ZFC3H1: variants seen among roughly 807,000 people sequenced by gnomAD.
The protein encoded by ZFC3H1 is zinc finger C3H1 domain-containing protein.
In ZFC3H1, 71 loss-of-function variants were observed where a neutral mutation model predicts 243.7. The observed-to-expected ratio is 0.29, with a 90% CI of 0.24 to 0.36. ZFC3H1 has a LOEUF of 0.36. Among genes scored for constraint, ZFC3H1 ranks in the 10% least tolerant of loss-of-function variants. The pLI, the probability that ZFC3H1 is intolerant of heterozygous loss-of-function variation, is 1.00. For synonymous variants in ZFC3H1, 838 were observed against 813.0 expected, an observed-to-expected ratio of 1.03 and a Z score of -0.52; for missense variants, 1,966 against 2,317.1, an observed-to-expected ratio of 0.85 and a Z score of 3.11.
At position 71,609,794 on chromosome 12, in the gene ZFC3H1, T is replaced by C. The variant is rs1879723304; in HGVS notation, c.*634A>G. Reference sequence around the variant, plus strand: ...GGTTCTGATGCACTGGCATTTGCAATAGTTTCTTTAATCTTCAAGTTAAAC... The same window carrying C: ...GGTTCTGATGCACTGGCATTTGCAACAGTTTCTTTAATCTTCAAGTTAAAC... On this transcript the variant is annotated 3_prime_UTR_variant, in exon 35 of 35. Coordinates refer to ENST00000378743, the MANE Select transcript of ZFC3H1 (RefSeq NM_144982.5). 1 of 152,594 alleles carries C rather than the reference T, an allele frequency of 6.6e-6. No homozygotes were observed. Among genetic ancestry groups the C allele is most frequent in the South Asian group, 2.1e-4 (1 of 4,834 alleles). The allele number at this position is 152,594 out of a possible 1,614,324, so 9.5% of individuals were successfully genotyped here.
At chr12:71,630,485 T>C (rs1370162259) in intron 18 of ZFC3H1, 115 bp downstream of exon 18, 83 of 1,331,718 alleles carry the variant, frequency 6.2e-5, no homozygotes, top group Non-Finnish European at 8.3e-5. Context: ...TAAAGTATTA[T>C]GGGTAAATAC....
chr12:71,614,598 A>C lies in ZFC3H1; in HGVS notation c.5463T>G (p.Pro1821=). 1 of 1,613,592 alleles carries C rather than the reference A, an allele frequency of 6.2e-7. No homozygotes were observed. The highest frequency in any genetic ancestry group is 8.5e-7 in the Non-Finnish European group (1 of 1,179,684). The part of the protein sequence containing the change: ...DLVNRCLVTV[P]ARYPIPFSSA... ...TGCTAAAAGGAATGGGGTATCGGGC[A>C]GGGACTGTAACCAAACATCTATTCA... The change falls in exon 30 of 35, where the codon CCT becomes CCG. Residue 1821 remains proline (P), a synonymous_variant. Transcript: ENST00000378743.
chr12:71,653,837 G>A (rs527714434), intron 2 of ZFC3H1, among the ~76,000 whole-genome samples: 10 of 152,076 alleles, frequency 6.6e-5, no homozygotes, highest in South Asian at 2.1e-4. Context: ...CCAACATGGC[G>A]AAACCCCAGC....
intron 32 of ZFC3H1, chr12:71,611,355 AAAC>A (rs1387640160): frequency 6.6e-5 from 18 of 273,450 alleles, no homozygotes; most frequent in South Asian, 4.8e-4. Flanking sequence ...GAGAAAAAAA[AAAC>A]AACAACAACA....
At chr12:71,662,920 T>C in intron 1 of ZFC3H1, 93 bp downstream of exon 1, 1 of 1,268,360 alleles carries the variant, frequency 7.9e-7, no homozygotes, top group Non-Finnish European at 1.1e-6. Context: ...GCGGTTCTGA[T>C]GATTCAAAGT....
intron 2 of ZFC3H1, chr12:71,656,472 A>G (rs1348994454): frequency 1.6e-6 from 1 of 630,776 alleles, no homozygotes; most frequent in Admixed American, 3.2e-5. Context: ...AATAATGAAG[A>G]AAACAGATTT....
Position 71,663,028 on chromosome 12 carries a change from G to A in ZFC3H1, c.583C>T (p.Pro195Ser), listed in dbSNP as rs368240982. 2 of 1,606,668 alleles carry A rather than the reference G, an allele frequency of 1.2e-6. No individual in the cohort carries two copies. Among genetic ancestry groups the A allele is most frequent in the South Asian group, 1.1e-5 (1 of 90,902 alleles). ...TTAAGGATACAGCTCTTCCGAGGTG[G>A]AGAGGGCTCTCGCCAGCTCTGACTG... ...SSSQSWREPSPPRKSSKSFGR... is the reference protein window; with the variant it reads ...SSSQSWREPSSPRKSSKSFGR... Residue 195 changes from proline to serine, a missense_variant, in exon 1 of 35, where the codon CCA (proline) becomes TCA (serine). Pro to Ser is a moderately conservative substitution (Grantham distance 74, BLOSUM62 -1). Coordinates refer to ENST00000378743, the MANE Select transcript of ZFC3H1 (RefSeq NM_144982.5).
chr12:71,646,617 A>C (rs1205324802), intron 3 of ZFC3H1, among the ~76,000 whole-genome samples: 2 of 152,164 alleles, frequency 1.3e-5, no homozygotes, highest in Non-Finnish European at 2.9e-5. Context: ...TTCTTGTTTT[A>C]AATTATTTAA....
chr12:71,613,641 G>C (rs180854396), intron 30 of ZFC3H1: 6 of 428,288 alleles, frequency 1.4e-5, no homozygotes, highest in South Asian at 3.7e-5. Context: ...CTAGTGATGA[G>C]AGCCATGGGC....
At chr12:71,652,409 C>G (rs1880912688) in intron 2 of ZFC3H1, among the ~76,000 whole-genome samples, 1 of 152,146 alleles carries the variant, frequency 6.6e-6, no homozygotes, top group Admixed American at 6.5e-5. Context: ...ACTAACCTGT[C>G]CTTTTATAAT....
intron 24 of ZFC3H1, 96 bp downstream of exon 24, chr12:71,623,264 C>A: frequency 9.5e-7 from 1 of 1,054,748 alleles, no homozygotes; most frequent in Non-Finnish European, 1.3e-6. Flanking sequence ...TAAATTTGTT[C>A]CACTTAATTA....
intron 2 of ZFC3H1, among the ~76,000 whole-genome samples, chr12:71,651,451 G>A (rs1486884585): frequency 2.0e-5 from 3 of 152,122 alleles, no homozygotes; most frequent in Non-Finnish European, 2.9e-5. Flanking sequence ...GTAAGCCCAT[G>A]AAAACATAAG....
In ZFC3H1 at chr12:71,627,721, T is replaced by C. The variant is rs994810558; in HGVS notation, c.4130+30A>G. On this transcript the variant is annotated intron_variant, in intron 21 of 34. Coordinates refer to ENST00000378743, the MANE Select transcript of ZFC3H1 (RefSeq NM_144982.5). ...AAACATAAAAATATAAATGTGCAAC[T>C]GTTTACACAAAGATTTGAAGTTGAC... 16 of 1,580,334 alleles carry C rather than the reference T, an allele frequency of 1.0e-5. 1 individual carries two copies. The African/African-American group carries it at 1.8e-4, about 18-fold the overall frequency.
chr12:71,638,940 C>T (rs556130806), intron 6 of ZFC3H1, among the ~76,000 whole-genome samples: 1 of 152,116 alleles, frequency 6.6e-6, no homozygotes, highest in Non-Finnish European at 1.5e-5. Flanking sequence ...TTCATTATTC[C>T]CTTCTTGTGG....
At position 71,657,123 on chromosome 12, in the gene ZFC3H1, T is replaced by C; in HGVS notation, c.777A>G (p.Glu259=). Reference sequence around the variant, plus strand: ...CCTCGAAGTTCAATGTTTTAGGATCTTCCTGCACATTCTCTTCTTTGCTAC... The same window carrying C: ...CCTCGAAGTTCAATGTTTTAGGATCCTCCTGCACATTCTCTTCTTTGCTAC... The part of the protein sequence containing the change: ...ALSSKEENVQ[E]DPKTLNFEDQ... The change falls in exon 2 of 35, where the codon GAA becomes GAG. Residue 259 remains glutamate (E), a synonymous_variant. Transcript: ENST00000378743. 1 of 1,613,994 alleles carries C rather than the reference T, an allele frequency of 6.2e-7. No homozygotes were observed. The highest frequency in any genetic ancestry group is 1.7e-5 in the Admixed American group (1 of 60,032).
In ZFC3H1 at chr12:71,629,589, ACACT is replaced by A. The variant is rs751090660; in HGVS notation, c.3826+16_3826+19del. On this transcript the variant is annotated intron_variant, in intron 19 of 34. Coordinates refer to ENST00000378743, the MANE Select transcript of ZFC3H1 (RefSeq NM_144982.5). The stretch of plus-strand genomic sequence containing the variant: ...CACACACACACACACACACACACAC[ACACT>A]TATATATGTACTTACTATGACCTTT... The A allele has an allele frequency of 2.7e-6, 4 of 1,483,618 alleles. No homozygotes were observed. Among genetic ancestry groups the A allele is most frequent in the Non-Finnish European group, 1.9e-6 (2 of 1,065,954 alleles). 91.9% of individuals were successfully genotyped at this position (1,483,618 alleles called of 1,614,324 possible). A position where few individuals can be genotyped will look rare whatever the true frequency, so the allele number is the denominator to read the frequency against.
At chr12:71,658,786 C>A (rs945167787) in intron 1 of ZFC3H1, among the ~76,000 whole-genome samples, 17 of 152,156 alleles carry the variant, frequency 1.1e-4, no homozygotes, top group African/African-American at 4.1e-4. Flanking sequence ...AGTTCTACAG[C>A]AAAACTGTTC....
In ZFC3H1 at chr12:71,638,480, A is replaced by G; in HGVS notation, c.1663T>C (p.Cys555Arg). ...SPVQPPFFSE[C>R]SLGYFSPAPS... ...GCTGGAGAAAAATACCCCAATGAAC[A>G]TTCAGAGAAAAATGGCGGTTGCACT... Residue 555 changes from cysteine (C) to arginine (R), a missense_variant, in exon 7 of 35, where the codon TGT (cysteine) becomes CGT (arginine). This residue lies in a region of ZFC3H1 where 1,383 missense variants were observed against 1,723.7 expected (regional missense o/e 0.80). Coordinates refer to ENST00000378743, the MANE Select transcript of ZFC3H1 (RefSeq NM_144982.5). 1 of 1,612,510 alleles carries G rather than the reference A, an allele frequency of 6.2e-7. No homozygotes were observed. The highest frequency in any genetic ancestry group is 1.1e-5 in the South Asian group (1 of 90,676).
chr12:71,658,655 C>T (rs2137565580), intron 1 of ZFC3H1, among the ~76,000 whole-genome samples: 1 of 152,260 alleles, frequency 6.6e-6, no homozygotes, highest in South Asian at 2.1e-4. Context: ...TCTGTTTAAA[C>T]ACCTCACAGG....
Sources: gnomAD v4.1 joint callset for allele counts (sites outside exome capture counted in the v4.1 genomes callset) on GRCh38, gnomAD v4.1.1 for gene constraint, gnomAD v4.1.1 regional missense constraint, MANE v1.5 for transcripts, NCBI Gene and HGNC (gene_info 2026-07-23, HGNC 2026-07-21) for gene names.